Variants in BNC2 observed in about 807,000 individuals in gnomAD.
The protein encoded by BNC2 is zinc finger protein basonuclin-2.
Under a neutral mutation model 76.3 loss-of-function variants are expected in BNC2, and 20 were observed. The ratio of observed to expected loss-of-function variants is 0.26; its 90% CI spans 0.18 to 0.38. The LOEUF (loss-of-function observed/expected upper bound fraction) is 0.38, where lower values mean the gene tolerates loss of function less well. BNC2 is among the 10% of genes least tolerant of loss of function. The pLI, the probability that BNC2 is intolerant of heterozygous loss-of-function variation, is 1.00. For missense variants in BNC2, 1,382 were observed against 1,399.8 expected, an observed-to-expected ratio of 0.99 and a Z score of 0.20; for synonymous variants, 582 against 514.8, an observed-to-expected ratio of 1.13 and a Z score of -1.77.
rs1366993425 is a variant in BNC2, at chr9:16,413,239, AGAG to A, written c.*5747_*5749del. On this transcript the variant is annotated 3_prime_UTR_variant, in exon 7 of 7. Transcript: ENST00000380672. ...TCAAATGAATTTACAACAGCACTTT[AGAG>A]GAGAAGAATAAAGATAGTTTTATGA... The A allele has an allele frequency of 1.3e-5, 2 of 152,148 alleles. No individual in the cohort carries two copies. Among genetic ancestry groups the A allele is most frequent in the Admixed American group, 6.5e-5 (1 of 15,272 alleles). The allele number at this position is 152,148 out of a possible 1,614,324, so 9.4% of individuals were successfully genotyped here.
intron 5 of BNC2, among the ~76,000 whole-genome samples, chr9:16,537,757 A>C (rs1054862092): frequency 6.6e-6 from 1 of 152,214 alleles, no homozygotes; most frequent in Non-Finnish European, 1.5e-5. Flanking sequence ...TGTGAAATTT[A>C]AACTATCAGA....
At chr9:16,469,576 T>C (rs1044201934) in intron 5 of BNC2, among the ~76,000 whole-genome samples, 1 of 152,176 alleles carries the variant, frequency 6.6e-6, no homozygotes, top group Non-Finnish European at 1.5e-5. Context: ...AACAAACTAA[T>C]ACAGTAAATT....
At position 16,727,846 on chromosome 9, in the gene BNC2, C is replaced by G. The variant is rs775024918; in HGVS notation, c.281G>C (p.Gly94Ala). 5.6e-6 allele frequency: 9 copies of G among 1,614,132 alleles called. No individual in the cohort carries two copies. Among genetic ancestry groups the G allele is most frequent in the Non-Finnish European group, 7.6e-6 (9 of 1,180,022 alleles). Residue 94 changes from glycine to alanine, a missense_variant, in exon 3 of 7, where the codon GGG (glycine) becomes GCG (alanine). Gly to Ala is a moderately conservative substitution (Grantham distance 60). Around this residue, in one of 3 missense-constraint regions of BNC2, gnomAD observed 557 missense variants for 540.9 expected, o/e 1.03. Coordinates refer to ENST00000380672, the MANE Select transcript of BNC2 (RefSeq NM_017637.6). ...GTTAGTATCAGCGTTTTGCCATGTC[C>G]CCATGAACCCTGGTTCAGCCGTAGT... ...RTTTAEPGFM[G>A]TWQNADTNLL...
intron 1 of BNC2, among the ~76,000 whole-genome samples, chr9:16,792,128 G>C (rs10962595): frequency 0.7 from 103,582 of 148,790 alleles, 38,613 homozygotes; most frequent in Non-Finnish European, 0.85. Context: ...AAATCAACTA[G>C]ATACCATCAT....
intron 5 of BNC2, among the ~76,000 whole-genome samples, chr9:16,452,421 A>AATT (rs941797071): frequency 5.4e-4 from 82 of 152,150 alleles, no homozygotes; most frequent in Non-Finnish European, 7.9e-4. Flanking sequence ...GAACCATTAC[A>AATT]ATTATTATTA....
chr9:16,479,275 AAAAAG>A, intron 5 of BNC2, among the ~76,000 whole-genome samples: 1 of 151,722 alleles, frequency 6.6e-6, no homozygotes, highest in East Asian at 1.9e-4. Flanking sequence ...AAAAGAAAAG[AAAAAG>A]AAAAAGAAAA....
chr9:16,615,019 T>A (rs1820660328), intron 3 of BNC2, among the ~76,000 whole-genome samples: 7 of 142,052 alleles, frequency 4.9e-5, no homozygotes, highest in Admixed American at 7.1e-5. Context: ...AGCAGGCCAG[T>A]TACCTTTCCA....
chr9:16,683,179 T>A (rs1046057697), intron 3 of BNC2, among the ~76,000 whole-genome samples: 1 of 152,184 alleles, frequency 6.6e-6, no homozygotes, highest in Non-Finnish European at 1.5e-5. Flanking sequence ...ATACATTCAT[T>A]GACCACAGTA....
intron 3 of BNC2, among the ~76,000 whole-genome samples, chr9:16,724,484 T>C (rs1383576086): frequency 6.6e-6 from 1 of 152,090 alleles, no homozygotes; most frequent in Non-Finnish European, 1.5e-5. Flanking sequence ...TCATACCCTT[T>C]AATGTTCTCA....
chr9:16,850,146 TTTC>T (rs2136149917), intron 1 of BNC2, among the ~76,000 whole-genome samples: 1 of 152,318 alleles, frequency 6.6e-6, no homozygotes, highest in African/African-American at 2.4e-5. Context: ...AGTTAAAACT[TTTC>T]TTGATATCCT....
At chr9:16,588,269 A>G (rs1329814048) in intron 3 of BNC2, among the ~76,000 whole-genome samples, 1 of 152,202 alleles carries the variant, frequency 6.6e-6, no homozygotes, top group Non-Finnish European at 1.5e-5. Context: ...CATTTAAATG[A>G]TTGTTTTCTC....
Position 16,486,728 on chromosome 9 carries a change from A to AT in BNC2, c.670-49205dup, listed in dbSNP as rs373023879. On this transcript the variant is annotated intron_variant, in intron 5 of 6. Transcript: ENST00000380672. ...TAGCAATTTGGGAGATTCACAGACA[A>AT]TTTTTTTTTTTGGTAGAGACAGGGT... Among the ~76,000 whole-genome samples, 86 of 148,110 alleles carry AT rather than the reference A, an allele frequency of 5.8e-4. 2 individuals carry two copies. Among genetic ancestry groups the AT allele is most frequent in the East Asian group, 1.4e-3 (7 of 5,062 alleles).
intron 1 of BNC2, among the ~76,000 whole-genome samples, chr9:16,826,942 C>G (rs1180504077): frequency 6.6e-6 from 1 of 152,166 alleles, no homozygotes; most frequent in African/African-American, 2.4e-5. Flanking sequence ...GATGAAGGGA[C>G]AAGCTATCCA....
At position 16,725,896 on chromosome 9, in the gene BNC2, A is replaced by G. The variant is rs79068646; in HGVS notation, c.330+1901T>C. 7.2e-3 allele frequency among the ~76,000 whole-genome samples: 1,092 copies of G among 152,252 alleles called. 8 individuals are homozygous for G. Among genetic ancestry groups the G allele is most frequent in the Middle Eastern group, 0.024 (7 of 294 alleles). On this transcript the variant is annotated intron_variant, in intron 3 of 6. Transcript: ENST00000380672. ...CAATCTAACACCATCTATGTGGTTCAATAGCCATTTATCAATTGATCATTA... is the reference window on the plus strand; with the variant it reads ...CAATCTAACACCATCTATGTGGTTCGATAGCCATTTATCAATTGATCATTA...
chr9:16,599,709 G>A (rs1319855607), intron 3 of BNC2, among the ~76,000 whole-genome samples: 4 of 152,122 alleles, frequency 2.6e-5, no homozygotes, highest in African/African-American at 4.8e-5. Flanking sequence ...ACTTGAACCC[G>A]GAGGCAGAGG....
chr9:16,451,788 A>G (rs1033636923), intron 5 of BNC2, among the ~76,000 whole-genome samples: 1 of 152,166 alleles, frequency 6.6e-6, no homozygotes, highest in Non-Finnish European at 1.5e-5. Context: ...GGATCTGCTT[A>G]TATTTCTCTG....
intron 3 of BNC2, among the ~76,000 whole-genome samples, chr9:16,650,131 T>C (rs1469632935): frequency 6.6e-6 from 1 of 152,194 alleles, no homozygotes; most frequent in Non-Finnish European, 1.5e-5. Context: ...GACTCTGCCC[T>C]GAATACGGAA....
At chr9:16,555,244 C>T (rs1025472791) in intron 4 of BNC2, among the ~76,000 whole-genome samples, 2 of 151,762 alleles carry the variant, frequency 1.3e-5, no homozygotes, top group African/African-American at 2.4e-5. Context: ...AGGATGGTCT[C>T]GATCTCCTGA....
chr9:16,671,760 G>C (rs1822484432), intron 3 of BNC2, among the ~76,000 whole-genome samples: 1 of 152,148 alleles, frequency 6.6e-6, no homozygotes, highest in African/African-American at 2.4e-5. Context: ...CCATATGCCT[G>C]AACTCCAGTC....
Sources: allele counts gnomAD v4.1 joint callset (sites outside exome capture counted in the v4.1 genomes callset), GRCh38; gene constraint gnomAD v4.1.1; regional missense constraint gnomAD v4.1.1; transcripts MANE v1.5; gene names NCBI Gene and HGNC (gene_info 2026-07-23, HGNC 2026-07-21).